The following GSG1L variants were observed in gnomAD, a reference collection of about 807,000 sequenced individuals.
GSG1L encodes the protein germ cell-specific gene 1-like protein.
Under a neutral mutation model 42.1 loss-of-function variants are expected in GSG1L, and 24 were observed. The ratio of observed to expected loss-of-function variants is 0.57; its 90% CI spans 0.41 to 0.80. The LOEUF is 0.80. GSG1L is among the 30% of genes least tolerant of loss of function. The pLI, the probability that GSG1L is intolerant of heterozygous loss-of-function variation, is 0.00. For missense variants in GSG1L, 445 were observed against 472.2 expected, an observed-to-expected ratio of 0.94 and a Z score of 0.53; for synonymous variants, 215 against 203.5, an observed-to-expected ratio of 1.06 and a Z score of -0.48.
chr16:27,987,833 G>C (rs2085404005), intron 1 of GSG1L, among the ~76,000 whole-genome samples: 1 of 150,860 alleles, frequency 6.6e-6, no homozygotes, highest in Non-Finnish European at 1.5e-5. Flanking sequence ...TGTAGTCCCA[G>C]CTACTCGGGA....
At chr16:28,010,735 A>G (rs2085707328) in intron 1 of GSG1L, among the ~76,000 whole-genome samples, 2 of 152,138 alleles carry the variant, frequency 1.3e-5, no homozygotes, top group Admixed American at 1.3e-4. Context: ...ATAATGGATA[A>G]AGATGGCACC....
chr16:27,908,468 T>C (rs773427787), intron 2 of GSG1L, among the ~76,000 whole-genome samples: 1 of 152,242 alleles, frequency 6.6e-6, no homozygotes, highest in Non-Finnish European at 1.5e-5. Flanking sequence ...CTGCCCGTCC[T>C]GTCTACACTT....
In GSG1L at chr16:27,884,107, G is replaced by A. The variant is rs538062663; in HGVS notation, c.550+379C>T. Among the ~76,000 whole-genome samples, 2 of 152,292 alleles carry A rather than the reference G, an allele frequency of 1.3e-5. 1 individual carries two copies. The highest frequency in any genetic ancestry group is 6.8e-3 in the Middle Eastern group (2 of 294). ...TCTCTTTTACATCCCAGGGAAAGGC[G>A]GCACAGTCAGCCTATTCTGCACAAC... On this transcript the variant is annotated intron_variant, in intron 3 of 6. Coordinates refer to ENST00000447459, the MANE Select transcript of GSG1L (RefSeq NM_001109763.2). This position sits in a 1 kb window ranked among gnomAD's most constrained non-coding sequence, Gnocchi z 4.4.
At chr16:28,020,189 G>A (rs2085825178) in intron 1 of GSG1L, among the ~76,000 whole-genome samples, 1 of 152,186 alleles carries the variant, frequency 6.6e-6, no homozygotes, top group Non-Finnish European at 1.5e-5. Context: ...GCTGGGCATT[G>A]GCGACTCAGT....
In GSG1L at chr16:27,979,796, G is replaced by GGAAA. The variant is rs200495167; in HGVS notation, c.350-16597_350-16594dup. Among the ~76,000 whole-genome samples, 70 of 120,152 alleles carry GGAAA rather than the reference G, an allele frequency of 5.8e-4. 1 individual carries two copies. The highest frequency in any genetic ancestry group is 1.9e-3 in the Admixed American group (21 of 10,858). 78.8% of individuals were successfully genotyped at this position (120,152 alleles called of 152,430 possible). On this transcript the variant is annotated intron_variant, in intron 1 of 6. Coordinates refer to ENST00000447459, the MANE Select transcript of GSG1L (RefSeq NM_001109763.2). Reference sequence around the variant, plus strand: ...AAAGAAAGAAAGAAAAAGAAAGAAAGGAAAGAAAGAAAGAAAGAAAAGAAA... The same window carrying GGAAA: ...AAAGAAAGAAAGAAAAAGAAAGAAAGGAAAGAAAGAAAGAAAGAAAGAAAAGAAA...
At chr16:27,835,380 C>A (rs1031923570) in intron 4 of GSG1L, among the ~76,000 whole-genome samples, 3 of 152,134 alleles carry the variant, frequency 2.0e-5, no homozygotes, top group Non-Finnish European at 2.9e-5. Context: ...TCCAGCCTAT[C>A]TATCTCCTCA....
chr16:27,983,867 G>A (rs1003028653), intron 1 of GSG1L, among the ~76,000 whole-genome samples: 15 of 152,162 alleles, frequency 9.9e-5, no homozygotes, highest in African/African-American at 3.6e-4. Context: ...CCTGTTGCAT[G>A]GCAAGAGTGA....
At chr16:27,957,967 A>G (rs1474763633) in intron 2 of GSG1L, among the ~76,000 whole-genome samples, 1 of 152,136 alleles carries the variant, frequency 6.6e-6, no homozygotes, top group Non-Finnish European at 1.5e-5. Flanking sequence ...ATACGGTGAG[A>G]ATTCACGCAT....
intron 1 of GSG1L, among the ~76,000 whole-genome samples, chr16:27,981,496 TG>T (rs1240440173): frequency 1.2e-4 from 19 of 152,322 alleles, no homozygotes; most frequent in Admixed American, 1.2e-3. Flanking sequence ...GGCAGAGCCT[TG>T]GCAAGCACTT....
intron 1 of GSG1L, among the ~76,000 whole-genome samples, chr16:28,029,530 G>GGGATGGATGGATGGAT (rs60587266): frequency 0.13 from 19,277 of 149,362 alleles, 1,477 homozygotes; most frequent in South Asian, 0.3. Flanking sequence ...GGTGCATGAA[G>GGGATGGATGGATGGAT]GGATGGATGG....
intron 2 of GSG1L, chr16:27,887,958 C>T: frequency 2.2e-5 from 8 of 360,952 alleles, no homozygotes; most frequent in Non-Finnish European, 3.1e-5. Context: ...GGCCCAAGGG[C>T]CACCAGGCAG....
intron 1 of GSG1L, among the ~76,000 whole-genome samples, chr16:28,015,037 T>C (rs971801848): frequency 6.6e-6 from 1 of 152,178 alleles, no homozygotes; most frequent in South Asian, 2.1e-4. Context: ...GAGTCCACTG[T>C]TGAAGCTTTT....
intron 5 of GSG1L, among the ~76,000 whole-genome samples, chr16:27,811,630 C>T (rs1011411746): frequency 3.3e-5 from 5 of 152,156 alleles, no homozygotes; most frequent in African/African-American, 1.2e-4. Flanking sequence ...TCCTCAGCTC[C>T]CAATTCTCCT....
At chr16:27,872,583 G>A (rs1762644752) in intron 3 of GSG1L, among the ~76,000 whole-genome samples, 1 of 152,164 alleles carries the variant, frequency 6.6e-6, no homozygotes, top group African/African-American at 2.4e-5. Context: ...CACAGCATGA[G>A]TTAGGAGGTC....
chr16:27,978,180 C>T (rs1057425256), intron 1 of GSG1L, among the ~76,000 whole-genome samples: 11 of 152,116 alleles, frequency 7.2e-5, no homozygotes, highest in South Asian at 2.1e-4. Flanking sequence ...TAGAACTGGC[C>T]GGGTCACAGC....
chr16:28,047,451 A>C (rs2086174729), intron 1 of GSG1L, among the ~76,000 whole-genome samples: 1 of 152,180 alleles, frequency 6.6e-6, no homozygotes. Context: ...GAAGTGAAAG[A>C]AGTGAGGCCA....
chr16:28,048,676 C>T (rs2086190740), intron 1 of GSG1L, among the ~76,000 whole-genome samples: 2 of 152,190 alleles, frequency 1.3e-5, no homozygotes, highest in African/African-American at 4.8e-5. Context: ...TTTAGAAAAT[C>T]ATCTGAAAGA....
At chr16:27,958,411 TAAA>T (rs767157230) in intron 2 of GSG1L, among the ~76,000 whole-genome samples, 1 of 117,592 alleles carries the variant, frequency 8.5e-6, no homozygotes, top group Non-Finnish European at 1.7e-5. Context: ...AGACTCCATC[TAAA>T]AAAAAAAAAA....
rs1235538567 is a variant in GSG1L, at chr16:27,944,269, C to T, written c.397+18887G>A. 2.0e-5 allele frequency among the ~76,000 whole-genome samples: 3 copies of T among 152,078 alleles called. No homozygotes were observed. In the East Asian group the frequency reaches 5.8e-4, roughly 29 times the overall value. On this transcript the variant is annotated intron_variant, in intron 2 of 6. Transcript: ENST00000447459. ...AGGTTTTAAAAATAAATAAATAAAT[C>T]ATGAATAGATCAAGAAAATGTAGTC...
Sources: allele counts gnomAD v4.1 joint callset (sites outside exome capture counted in the v4.1 genomes callset), GRCh38; gene constraint gnomAD v4.1.1; non-coding constraint Gnocchi (gnomAD v3.1); transcripts MANE v1.5; gene names NCBI Gene and HGNC (gene_info 2026-07-23, HGNC 2026-07-21).